Variants in SCN10A observed in about 807,000 individuals in gnomAD.
SCN10A encodes the protein sodium channel protein type 10 subunit alpha.
Under a neutral mutation model 170.7 loss-of-function variants are expected in SCN10A, and 162 were observed. The observed-to-expected ratio is 0.95, with a 90% confidence interval of 0.84 to 1.08. The LOEUF (loss-of-function observed/expected upper bound fraction) is 1.08. Among genes scored for constraint, SCN10A ranks in the 50% least tolerant of loss-of-function variants. The pLI is 0.00. For synonymous variants in SCN10A, 985 were observed against 904.6 expected, an observed-to-expected ratio of 1.09 and a Z score of -1.59; for missense variants, 2,527 against 2,436.9, an observed-to-expected ratio of 1.04 and a Z score of -0.78.
At chr3:38,772,679 A>T (rs1295525192) in intron 4 of SCN10A, among the ~76,000 whole-genome samples, 1 of 151,508 alleles carries the variant, frequency 6.6e-6, no homozygotes, top group African/African-American at 2.4e-5. Flanking sequence ...ACAGAGCAAG[A>T]CTTCGTCTCC....
chr3:38,777,782 T>C (rs62244106), intron 4 of SCN10A, among the ~76,000 whole-genome samples: 31,541 of 151,952 alleles, frequency 0.21, 3,885 homozygotes, highest in Middle Eastern at 0.31. Context: ...CATGGGAATC[T>C]GGTGCATGGC....
At chr3:38,792,295 C>T (rs2064292875) in intron 2 of SCN10A, 127 bp from the exon 3 acceptor site, 1 of 1,168,128 alleles carries the variant, frequency 8.6e-7, no homozygotes, top group East Asian at 2.4e-5. Context: ...AACTACAGGT[C>T]AATGAGAGTC....
In SCN10A at chr3:38,756,641, AC is replaced by A. The variant is rs774536578; in HGVS notation, c.1290+32del. On this transcript the variant is annotated intron_variant, in intron 10 of 27. Coordinates refer to ENST00000449082, the MANE Select transcript of SCN10A (RefSeq NM_006514.4). ...AGTATCCAAGAATGGACAGTCTGCA[AC>A]CTTCTTCACAAAGCTTCCACTCCTC... The A allele has an allele frequency of 1.1e-5, 18 of 1,577,214 alleles. No individual in the cohort carries two copies. The Admixed American group carries it at 1.5e-4, about 13-fold the overall frequency.
At chr3:38,798,020 G>A (rs770380478) in intron 1 of SCN10A, among the ~76,000 whole-genome samples, 14 of 152,144 alleles carry the variant, frequency 9.2e-5, no homozygotes, top group Admixed American at 5.2e-4. Flanking sequence ...TCTGGACTTG[G>A]GATCCCTTGA....
At chr3:38,764,202 T>C (rs1023299340) in intron 5 of SCN10A, among the ~76,000 whole-genome samples, 1 of 152,238 alleles carries the variant, frequency 6.6e-6, no homozygotes, top group African/African-American at 2.4e-5. Flanking sequence ...CAGGTGGTTT[T>C]TGGTTACATG....
Position 38,763,561 on chromosome 3 carries a change from G to C in SCN10A, c.635C>G (p.Ser212Ter), listed in dbSNP as rs779471280. The change falls in exon 6 of 28, where the codon TCA (serine) becomes TGA (stop). Residue 212 changes from serine to a stop codon, truncating the protein, a stop_gained. Transcript: ENST00000449082. LOFTEE classifies it high-confidence loss of function. The stretch of plus-strand genomic sequence containing the variant: ...AAGAACTCTGAATGTCCGCAGGCCT[G>C]AGATCCCACGGAGATCTATTGCTGT... ...VGTAIDLRGI[S>*]GLRTFRVLRA... 1.2e-6 allele frequency: 2 copies of C among 1,614,062 alleles called. No homozygotes were observed. The highest frequency in any genetic ancestry group is 3.3e-5 in the Admixed American group (2 of 60,014).
intron 4 of SCN10A, among the ~76,000 whole-genome samples, chr3:38,780,410 A>G (rs768925741): frequency 3.9e-5 from 6 of 152,044 alleles, no homozygotes; most frequent in East Asian, 1.9e-4. Context: ...TTGCTTTGTA[A>G]TGTAATAGGC....
At chr3:38,786,567 T>G (rs754563130) in intron 4 of SCN10A, among the ~76,000 whole-genome samples, 7 of 152,134 alleles carry the variant, frequency 4.6e-5, no homozygotes, top group Non-Finnish European at 8.8e-5. Flanking sequence ...CCATGACATG[T>G]GTATACCTAT....
At chr3:38,788,323 G>T (rs2064235112) in intron 4 of SCN10A, among the ~76,000 whole-genome samples, 1 of 151,780 alleles carries the variant, frequency 6.6e-6, no homozygotes, top group Admixed American at 6.6e-5. Context: ...CAGATGTGTG[G>T]ATATGGAATG....
chr3:38,766,354 T>C (rs1053490532), intron 5 of SCN10A, among the ~76,000 whole-genome samples: 3 of 152,226 alleles, frequency 2.0e-5, no homozygotes, highest in African/African-American at 7.2e-5. Flanking sequence ...CTGTTTGGTA[T>C]AATGTTGGCT....
At chr3:38,748,562 C>T (rs770791590) in intron 13 of SCN10A, among the ~76,000 whole-genome samples, 23 of 152,098 alleles carry the variant, frequency 1.5e-4, no homozygotes, top group Non-Finnish European at 2.8e-4. Flanking sequence ...CATTGCTAAG[C>T]GTATTTTGCC....
chr3:38,723,759 C>A (rs1463969813), intron 18 of SCN10A, among the ~76,000 whole-genome samples: 1 of 152,190 alleles, frequency 6.6e-6, no homozygotes, highest in African/African-American at 2.4e-5. Flanking sequence ...GGCAATGGCC[C>A]GAGACACCGT....
At chr3:38,729,032 G>A (rs2063488351) in intron 15 of SCN10A, 131 bp from the exon 16 acceptor site, 1 of 1,146,658 alleles carries the variant, frequency 8.7e-7, no homozygotes, top group Non-Finnish European at 1.2e-6. Flanking sequence ...GCGTTTTCTG[G>A]ACACTGCTTT....
At position 38,723,078 on chromosome 3, in the gene SCN10A, T is replaced by C. The variant is rs568620077; in HGVS notation, c.3352+352A>G. On this transcript the variant is annotated intron_variant, in intron 19 of 27. Transcript: ENST00000449082. ...AAGCAGATACATCATGGCCTTCCTCTGGGTCCTTCATGGTCCAAATCAAGA... is the reference window on the plus strand; with the variant it reads ...AAGCAGATACATCATGGCCTTCCTCCGGGTCCTTCATGGTCCAAATCAAGA... 1.4e-4 allele frequency among the ~76,000 whole-genome samples: 22 copies of C among 152,330 alleles called. No individual in the cohort carries two copies. In the East Asian group the frequency reaches 4.1e-3, roughly 28 times the overall value.
In SCN10A at chr3:38,739,600, A is replaced by G. The variant is rs373216811; in HGVS notation, c.2195T>C (p.Phe732Ser). 18 of 1,614,062 alleles carry G rather than the reference A, an allele frequency of 1.1e-5. No homozygotes were observed. The highest frequency in any genetic ancestry group is 1.4e-5 in the Non-Finnish European group (16 of 1,179,998). The change falls in exon 15 of 28, where the codon TTT becomes TCT. Residue 732 changes from phenylalanine (F) to serine (S), a missense_variant. Coordinates refer to ENST00000449082, the MANE Select transcript of SCN10A (RefSeq NM_006514.4). ...ACTCACAGTGACGATGATGCAGTCAAAGATATTCCACTTCTTCTGGAAATA... is the reference window on the plus strand; with the variant it reads ...ACTCACAGTGACGATGATGCAGTCAGAGATATTCCACTTCTTCTGGAAATA... ...YYYFQKKWNIFDCIIVTVSLL... is the reference protein window; with the variant it reads ...YYYFQKKWNISDCIIVTVSLL...
intron 5 of SCN10A, among the ~76,000 whole-genome samples, chr3:38,768,444 A>C (rs2063958146): frequency 6.6e-6 from 1 of 152,018 alleles, no homozygotes; most frequent in African/African-American, 2.4e-5. Context: ...GTAGTGGAAA[A>C]TTCTCTCACC....
intron 1 of SCN10A, 39 bp downstream of exon 1, chr3:38,815,998 C>T (rs2064473800): frequency 6.6e-6 from 1 of 152,210 alleles, no homozygotes; most frequent in South Asian, 2.1e-4. Flanking sequence ...CATATCTTTA[C>T]ACTGTTAGCC....
At chr3:38,761,439 C>T (rs1405478686) in intron 6 of SCN10A, 56 bp from the exon 7 acceptor site, 56 of 1,466,302 alleles carry the variant, frequency 3.8e-5, no homozygotes, top group Non-Finnish European at 4.9e-5. Flanking sequence ...ACACGGAGCA[C>T]ACTTCTTCAT....
intron 5 of SCN10A, among the ~76,000 whole-genome samples, chr3:38,766,551 A>G (rs1053824310): frequency 6.6e-6 from 1 of 152,078 alleles, no homozygotes; most frequent in Non-Finnish European, 1.5e-5. Context: ...TGACTTGTGT[A>G]TGTTAAATCA....
Sources: gnomAD v4.1 joint callset for allele counts (sites outside exome capture counted in the v4.1 genomes callset) on GRCh38, gnomAD v4.1.1 for gene constraint, MANE v1.5 for transcripts, NCBI Gene and HGNC (gene_info 2026-07-23, HGNC 2026-07-21) for gene names.